ZNF407: variants seen among roughly 807,000 people sequenced by gnomAD.
The protein encoded by ZNF407 is zinc finger protein 407.
Under a neutral mutation model 131.2 loss-of-function variants are expected in ZNF407, and 17 were observed. The ratio of observed to expected loss-of-function variants is 0.13; its 90% CI spans 0.09 to 0.19. The LOEUF (loss-of-function observed/expected upper bound fraction) is 0.19. ZNF407 is among the 10% of genes least tolerant of loss of function. The pLI, the probability that ZNF407 is intolerant of heterozygous loss-of-function variation, is 1.00. For synonymous variants in ZNF407, 1,156 were observed against 1,062.0 expected, an observed-to-expected ratio of 1.09 and a Z score of -1.72; for missense variants, 2,681 against 2,830.6, an observed-to-expected ratio of 0.95 and a Z score of 1.20.
At chr18:74,942,284 A>C (rs1164335408) in intron 8 of ZNF407, among the ~76,000 whole-genome samples, 4 of 152,230 alleles carry the variant, frequency 2.6e-5, no homozygotes, top group Admixed American at 2.6e-4. Context: ...AGAAAAGTGA[A>C]GATCATCAGC....
At chr18:74,722,087 T>A (rs1968051289) in intron 3 of ZNF407, among the ~76,000 whole-genome samples, 1 of 152,040 alleles carries the variant, frequency 6.6e-6, no homozygotes, top group African/African-American at 2.4e-5. Context: ...GCAGCTTGAT[T>A]ATGATGTTTT....
chr18:75,002,775 A>G (rs1162569983), intron 8 of ZNF407, among the ~76,000 whole-genome samples: 5 of 147,818 alleles, frequency 3.4e-5, no homozygotes, highest in Admixed American at 6.9e-5. Context: ...ACTGCACTCC[A>G]GCCTGGGCAA....
intron 4 of ZNF407, among the ~76,000 whole-genome samples, chr18:74,783,410 T>C (rs1200738724): frequency 6.6e-6 from 1 of 152,190 alleles, no homozygotes; most frequent in Non-Finnish European, 1.5e-5. Flanking sequence ...TTTTTAAAAG[T>C]TGAAGAATTG....
intron 3 of ZNF407, among the ~76,000 whole-genome samples, chr18:74,699,123 G>A (rs1289029130): frequency 1.3e-5 from 2 of 151,648 alleles, no homozygotes; most frequent in African/African-American, 2.4e-5. Context: ...TTTTTTTAAC[G>A]TTCTGGCACT....
chr18:74,680,119 G>T (rs965464789), intron 3 of ZNF407, among the ~76,000 whole-genome samples: 2 of 152,142 alleles, frequency 1.3e-5, no homozygotes, highest in African/African-American at 4.8e-5. Flanking sequence ...AGGCTGGGGT[G>T]GTGGCTAACA....
chr18:75,064,586 G>A lies in ZNF407; in HGVS notation c.*118G>A. The A allele has an allele frequency of 2.1e-6, 2 of 960,144 alleles. No homozygotes were observed. Among genetic ancestry groups the A allele is most frequent in the South Asian group, 4.4e-5 (2 of 45,104 alleles). 59.5% of individuals were successfully genotyped at this position (960,144 alleles called of 1,614,324 possible). On this transcript the variant is annotated 3_prime_UTR_variant, in exon 9 of 9. Coordinates refer to ENST00000299687, the MANE Select transcript of ZNF407 (RefSeq NM_017757.3). ...AAAACCATGAGGACAAGGCTCCCGTGAGCTCTGAGCATGCCCTCCCAGCGA... is the reference window on the plus strand; with the variant it reads ...AAAACCATGAGGACAAGGCTCCCGTAAGCTCTGAGCATGCCCTCCCAGCGA...
intron 3 of ZNF407, among the ~76,000 whole-genome samples, chr18:74,676,611 T>C (rs1335052786): frequency 1.3e-5 from 2 of 151,720 alleles, no homozygotes; most frequent in Non-Finnish European, 2.9e-5. Context: ...TAATTTTGTA[T>C]TTTTAGTAGA....
intron 8 of ZNF407, among the ~76,000 whole-genome samples, chr18:75,060,618 G>T (rs1466198672): frequency 2.1e-5 from 3 of 145,466 alleles, no homozygotes; most frequent in African/African-American, 7.7e-5. Flanking sequence ...CCATTCTCCT[G>T]CCTCAGCCTC....
chr18:74,878,340 C>A (rs776993962), intron 5 of ZNF407, among the ~76,000 whole-genome samples: 1 of 152,156 alleles, frequency 6.6e-6, no homozygotes, highest in Non-Finnish European at 1.5e-5. Context: ...TTCTGATTGC[C>A]AAGAATTTTA....
At chr18:74,791,833 G>A (rs1023616130) in intron 4 of ZNF407, among the ~76,000 whole-genome samples, 24 of 152,124 alleles carry the variant, frequency 1.6e-4, no homozygotes, top group African/African-American at 5.1e-4. Flanking sequence ...TCCTGTCTGC[G>A]CTTTGAAGAA....
At chr18:74,855,800 G>A (rs1325926283) in intron 4 of ZNF407, among the ~76,000 whole-genome samples, 2 of 152,190 alleles carry the variant, frequency 1.3e-5, no homozygotes, top group Non-Finnish European at 1.5e-5. Context: ...CTTGTTGGGG[G>A]TAGCTGTGAA....
At chr18:74,927,050 G>T (rs1018443596) in intron 8 of ZNF407, among the ~76,000 whole-genome samples, 9 of 152,176 alleles carry the variant, frequency 5.9e-5, no homozygotes, top group African/African-American at 2.2e-4. Context: ...TAGTAATGAA[G>T]AACTCTGTTT....
chr18:74,806,926 T>C (rs7233295), intron 4 of ZNF407, among the ~76,000 whole-genome samples: 96,989 of 152,058 alleles, frequency 0.64, 33,095 homozygotes, highest in East Asian at 0.95. Context: ...CATGGCATGG[T>C]TTTAGGTTCT....
chr18:74,655,117 T>A (rs1312806654), intron 3 of ZNF407, among the ~76,000 whole-genome samples: 1 of 152,042 alleles, frequency 6.6e-6, no homozygotes, highest in Non-Finnish European at 1.5e-5. Flanking sequence ...ATATTTTTAA[T>A]TATTAAACTG....
intron 3 of ZNF407, among the ~76,000 whole-genome samples, chr18:74,657,579 GA>G (rs1310741604): frequency 6.6e-6 from 1 of 152,148 alleles, no homozygotes; most frequent in East Asian, 1.9e-4. Context: ...CTACCTCATT[GA>G]TCTTTGCGAT....
intron 8 of ZNF407, among the ~76,000 whole-genome samples, chr18:74,983,095 G>T (rs754647886): frequency 6.6e-6 from 1 of 152,192 alleles, no homozygotes; most frequent in Non-Finnish European, 1.5e-5. Flanking sequence ...AGGGAGCAAA[G>T]TGTGGCAGAA....
At chr18:74,743,904 G>A (rs982108725) in intron 3 of ZNF407, among the ~76,000 whole-genome samples, 1 of 152,026 alleles carries the variant, frequency 6.6e-6, no homozygotes, top group South Asian at 2.1e-4. Context: ...AAAACTTTTA[G>A]AAAAGCTTTT....
At chr18:74,876,641 C>T (rs1047040520) in intron 4 of ZNF407, among the ~76,000 whole-genome samples, 2 of 151,980 alleles carry the variant, frequency 1.3e-5, no homozygotes, top group African/African-American at 2.4e-5. Context: ...TAGTTACGAT[C>T]TGTTTTTATT....
intron 3 of ZNF407, among the ~76,000 whole-genome samples, chr18:74,767,908 C>T (rs987038242): frequency 2.0e-5 from 3 of 150,420 alleles, no homozygotes; most frequent in Non-Finnish European, 4.4e-5. Context: ...CCTCATGATC[C>T]ACCCACCTTG....
Sources: gnomAD v4.1 joint callset for allele counts (sites outside exome capture counted in the v4.1 genomes callset) on GRCh38, gnomAD v4.1.1 for gene constraint, MANE v1.5 for transcripts, NCBI Gene and HGNC (gene_info 2026-07-23, HGNC 2026-07-21) for gene names.